The following NAALADL2 variants were observed in gnomAD, a reference collection of about 807,000 sequenced individuals.
The protein encoded by NAALADL2 is N-acetylated alpha-linked acidic dipeptidase like 2.
A neutral mutation model predicts 87.2 loss-of-function variants in NAALADL2; 76 were observed. The observed-to-expected ratio is 0.87, with a 90% CI of 0.72 to 1.05. The LOEUF (loss-of-function observed/expected upper bound fraction) is 1.05, where lower values mean the gene tolerates loss of function less well. NAALADL2 is among the 50% of genes least tolerant of loss of function. The pLI is 0.00. For synonymous variants in NAALADL2, 354 were observed against 331.0 expected (o/e 1.07, Z -0.75); for missense variants, 1,089 against 945.8 (o/e 1.15, Z -1.99).
At chr3:175,026,615 A>G (rs778224964) in intron 1 of NAALADL2, among the ~76,000 whole-genome samples, 20 of 151,870 alleles carry the variant, frequency 1.3e-4, no homozygotes, top group African/African-American at 1.9e-4. Flanking sequence ...AGATCACTCA[A>G]TTGCACTTCA....
intron 2 of NAALADL2, among the ~76,000 whole-genome samples, chr3:174,674,940 G>A (rs1726912007): frequency 1.3e-5 from 2 of 152,002 alleles, no homozygotes; most frequent in South Asian, 4.1e-4. Flanking sequence ...TCAGTCAGTA[G>A]TCTTAGATAA....
At chr3:174,990,570 T>A (rs1579900880) in intron 1 of NAALADL2, among the ~76,000 whole-genome samples, 1 of 152,086 alleles carries the variant, frequency 6.6e-6, no homozygotes, top group East Asian at 1.9e-4. Flanking sequence ...TTTTTAAAAG[T>A]TGTATATATG....
intron 1 of NAALADL2, among the ~76,000 whole-genome samples, chr3:174,940,345 T>C (rs1579633752): frequency 6.6e-6 from 1 of 152,314 alleles, no homozygotes; most frequent in Middle Eastern, 3.4e-3. Flanking sequence ...CAATCTTGCA[T>C]CCCAGGGGTG....
At chr3:175,331,185 G>A (rs1188775233) in intron 5 of NAALADL2, among the ~76,000 whole-genome samples, 1 of 152,002 alleles carries the variant, frequency 6.6e-6, no homozygotes, top group Non-Finnish European at 1.5e-5. Context: ...AAAAACCTAG[G>A]GTGGGATGGC....
intron 3 of NAALADL2, among the ~76,000 whole-genome samples, chr3:174,839,839 T>TA (rs1461547633): frequency 1.1e-4 from 16 of 143,730 alleles, no homozygotes; most frequent in African/African-American, 1.7e-4. Context: ...AAAAAAAAAA[T>TA]AATAAAAAAA....
chr3:174,983,658 A>G (rs545222295), intron 1 of NAALADL2, among the ~76,000 whole-genome samples: 31 of 152,254 alleles, frequency 2.0e-4, no homozygotes, highest in African/African-American at 6.5e-4. Flanking sequence ...TTTTAAGGGC[A>G]CTAATCGCAC....
intron 1 of NAALADL2, among the ~76,000 whole-genome samples, chr3:175,065,508 G>A (rs1478250713): frequency 1.3e-5 from 2 of 152,132 alleles, no homozygotes; most frequent in East Asian, 3.9e-4. Context: ...AGACATACAA[G>A]GTATAGTAAT....
At chr3:175,576,263 T>C (rs1479080116) in intron 10 of NAALADL2, 76 bp downstream of exon 10, 4 of 1,329,460 alleles carry the variant, frequency 3.0e-6, no homozygotes, top group Middle Eastern at 1.9e-4. Context: ...ATCCTGGCTA[T>C]TCAATTTTCA....
At chr3:175,074,863 A>G (rs1370332345) in intron 1 of NAALADL2, among the ~76,000 whole-genome samples, 1 of 152,054 alleles carries the variant, frequency 6.6e-6, no homozygotes, top group Admixed American at 6.6e-5. Flanking sequence ...TTAGTTAAGT[A>G]TTCTTCGTAA....
At chr3:175,623,846 T>C (rs1726594393) in intron 10 of NAALADL2, among the ~76,000 whole-genome samples, 1 of 151,646 alleles carries the variant, frequency 6.6e-6, no homozygotes, top group Non-Finnish European at 1.5e-5. Flanking sequence ...CATAAGCTGA[T>C]GGTTTGTTTT....
At chr3:174,532,890 C>A (rs886723404) in intron 1 of NAALADL2, among the ~76,000 whole-genome samples, 1 of 151,792 alleles carries the variant, frequency 6.6e-6, no homozygotes, top group Non-Finnish European at 1.5e-5. Flanking sequence ...CTTTAAATAA[C>A]CTGATCAATC....
chr3:175,233,336 T>G (rs577034410), intron 2 of NAALADL2, among the ~76,000 whole-genome samples: 1 of 152,316 alleles, frequency 6.6e-6, no homozygotes, highest in South Asian at 2.1e-4. Context: ...TATGTTGATG[T>G]TGATAGAAGG....
At chr3:174,578,619 G>T (rs1715809226) in intron 2 of NAALADL2, among the ~76,000 whole-genome samples, 1 of 151,932 alleles carries the variant, frequency 6.6e-6, no homozygotes, top group Non-Finnish European at 1.5e-5. Flanking sequence ...AATGTTAAAG[G>T]AAATTCTTCA....
chr3:175,425,768 AAAG>A (rs770407498), intron 5 of NAALADL2, among the ~76,000 whole-genome samples: 2 of 152,198 alleles, frequency 1.3e-5, no homozygotes, highest in Non-Finnish European at 2.9e-5. Flanking sequence ...ATTGAAAACA[AAAG>A]AAAGACCTAG....
chr3:175,557,747 A>G (rs114030908), intron 9 of NAALADL2, among the ~76,000 whole-genome samples: 1,830 of 152,216 alleles, frequency 0.012, 32 homozygotes, highest in African/African-American at 0.04. Context: ...CTTCCTTGCC[A>G]GCATTTGTTT....
chr3:174,533,887 A>C (rs1721472636), intron 1 of NAALADL2, among the ~76,000 whole-genome samples: 1 of 152,222 alleles, frequency 6.6e-6, no homozygotes, highest in Admixed American at 6.5e-5. Context: ...TACAACTGGC[A>C]AGAAATGCAA....
At chr3:175,641,186 G>C (rs1350479237) in intron 11 of NAALADL2, among the ~76,000 whole-genome samples, 2 of 152,090 alleles carry the variant, frequency 1.3e-5, no homozygotes, top group Non-Finnish European at 2.9e-5. Context: ...CCAGGCTTCT[G>C]GCAGGTCTCC....
At chr3:175,003,074 G>A (rs1484989972) in intron 1 of NAALADL2, among the ~76,000 whole-genome samples, 4 of 152,190 alleles carry the variant, frequency 2.6e-5, no homozygotes, top group African/African-American at 7.2e-5. Flanking sequence ...AGCTGTACTG[G>A]ATGATATCTG....
intron 2 of NAALADL2, among the ~76,000 whole-genome samples, chr3:175,223,937 C>T (rs2109374343): frequency 6.6e-6 from 1 of 152,218 alleles, no homozygotes; most frequent in Admixed American, 6.5e-5. Context: ...TCTAAATGCT[C>T]TAAGAAACTC....
Sources: gnomAD v4.1 joint callset for allele counts (sites outside exome capture counted in the v4.1 genomes callset) on GRCh38, gnomAD v4.1.1 for gene constraint, MANE v1.5 for transcripts, NCBI Gene and HGNC (gene_info 2026-07-23, HGNC 2026-07-21) for gene names.